The following TECPR2 variants were observed in gnomAD, a reference collection of about 807,000 sequenced individuals.
The protein encoded by TECPR2 is tectonin beta-propeller repeat containing 2, also known as tectonin beta-propeller repeat-containing protein 2.
TECPR2 carries 65 observed loss-of-function variants against 138.1 expected under a neutral mutation model. The observed-to-expected ratio is 0.47, with a 90% CI of 0.39 to 0.58. The LOEUF is 0.58. Among genes scored for constraint, TECPR2 ranks in the 20% least tolerant of loss-of-function variants. The probability of loss-of-function intolerance (pLI) is 0.00; values close to 1 mark genes in which losing one functional copy is unlikely to be tolerated. For synonymous variants in TECPR2, 746 were observed against 749.8 expected (o/e 0.99, Z 0.08); for missense variants, 1,553 against 1,824.5 (o/e 0.85, Z 2.71).
At chr14:102,418,306 C>A (rs1689368201) in intron 5 of TECPR2, among the ~76,000 whole-genome samples, 1 of 152,228 alleles carries the variant, frequency 6.6e-6, no homozygotes, top group Non-Finnish European at 1.5e-5. Context: ...TATCTGTGAA[C>A]AAGGCAGAAC....
rs762479582 is a variant in TECPR2, at chr14:102,428,360, G to C, written c.1062G>C (p.Arg354Ser). ...GGAACATTATAAGAATTTCAAGCAG[G>C]CCTGAAGGATTAACATCAACAGGTT... Reference protein sequence around the residue: ...GDRNIIRISSRPEGLTSTVRD... With the variant: ...GDRNIIRISSSPEGLTSTVRD... The change falls in exon 7 of 20, where the codon AGG (arginine) becomes AGC (serine). Residue 354 changes from arginine to serine, a missense_variant. By Grantham distance (110) the Arg-to-Ser change is moderately radical. Transcript: ENST00000359520. 1 of 1,609,126 alleles carries C rather than the reference G, an allele frequency of 6.2e-7. No individual in the cohort carries two copies. Among genetic ancestry groups the C allele is most frequent in the African/African-American group, 1.3e-5 (1 of 74,508 alleles).
chr14:102,438,243 C>T (rs541926917), intron 10 of TECPR2, 38 bp downstream of exon 10: 23 of 1,389,814 alleles, frequency 1.7e-5, no homozygotes, highest in African/African-American at 8.3e-5. Context: ...TCCCTGCTCC[C>T]GCTCGCCGCT....
rs1891461473 is a variant in TECPR2, at chr14:102,502,294, G to A, written c.*4037G>A. 1 of 152,622 alleles carries A rather than the reference G, an allele frequency of 6.6e-6. No homozygotes were observed. Among genetic ancestry groups the A allele is most frequent in the Non-Finnish European group, 1.5e-5 (1 of 68,028 alleles). 9.5% of individuals were successfully genotyped at this position (152,622 alleles called of 1,614,324 possible). A position where few individuals can be genotyped will look rare whatever the true frequency, so the allele number is the denominator to read the frequency against. ...TGTTGTAAACTTCAAACTTTTGGCA[G>A]GTTTGAAATTTTTCATAACTCCGGG... is the stretch of plus-strand genomic sequence containing the variant. On this transcript the variant is annotated 3_prime_UTR_variant, in exon 20 of 20. Coordinates refer to ENST00000359520, the MANE Select transcript of TECPR2 (RefSeq NM_014844.5).
intron 17 of TECPR2, among the ~76,000 whole-genome samples, chr14:102,482,153 A>C (rs1035880155): frequency 6.6e-6 from 1 of 151,950 alleles, no homozygotes; most frequent in South Asian, 2.1e-4. Context: ...TCCTGGGTCC[A>C]AGTGATTCTT....
In TECPR2 at chr14:102,435,519, G is replaced by A. The variant is rs1233244055; in HGVS notation, c.2394+308G>A. Among the ~76,000 whole-genome samples the A allele has an allele frequency of 2.6e-5, 4 of 152,180 alleles. No individual in the cohort carries two copies. The East Asian group carries it at 7.7e-4, about 29-fold the overall frequency. Reference sequence around the variant, plus strand: ...AGGCACTTACTGTTAGCCATCGTAGGGCAGGGCTGAATTGGCCTGGGGCCA... The same window carrying A: ...AGGCACTTACTGTTAGCCATCGTAGAGCAGGGCTGAATTGGCCTGGGGCCA... On this transcript the variant is annotated intron_variant, in intron 9 of 19. Transcript: ENST00000359520.
rs766996160 is a variant in TECPR2 at position 102,449,916 on chromosome 14, AC to A, written c.3316+48del. ...TCACACTGGCTTTATAGGCAGCCTC[AC>A]TTTAAAGCCAACATTTAAAGAAAAG... On this transcript the variant is annotated intron_variant, in intron 14 of 19. Transcript: ENST00000359520. 5.6e-6 allele frequency: 9 copies of A among 1,595,112 alleles called. No homozygotes were observed. The South Asian group carries it at 7.7e-5, about 14-fold the overall frequency.
chr14:102,367,857 A>G (rs1887385836), intron 1 of TECPR2, among the ~76,000 whole-genome samples: 1 of 152,066 alleles, frequency 6.6e-6, no homozygotes, highest in Non-Finnish European at 1.5e-5. Flanking sequence ...TTCACCAGCA[A>G]TGTATACAGT....
At position 102,417,805 on chromosome 14, in the gene TECPR2, A is replaced by G. The variant is rs1424437822; in HGVS notation, c.638+3012A>G. On this transcript the variant is annotated intron_variant, in intron 5 of 19. Transcript: ENST00000359520. ...TGCGAGGAGGCTGGCACGGGAGTCC[A>G]GGGGAGCCTGGCATGGGAGTCCAGG... Among the ~76,000 whole-genome samples the G allele has an allele frequency of 4.9e-5, 7 of 141,446 alleles. No individual in the cohort carries two copies. The East Asian group carries it at 6.4e-4, about 13-fold the overall frequency. The allele number at this position is 141,446 out of a possible 152,430, so 92.8% of individuals were successfully genotyped here. A position where few individuals can be genotyped will look rare whatever the true frequency, so the allele number is the denominator to read the frequency against.
At chr14:102,460,861 A>T (rs1255741969) in intron 16 of TECPR2, among the ~76,000 whole-genome samples, 1 of 151,230 alleles carries the variant, frequency 6.6e-6, no homozygotes, top group African/African-American at 2.4e-5. Context: ...TGCCCAGCTA[A>T]TTTTTTTGTA....
chr14:102,443,653 G>A lies in TECPR2; in HGVS notation c.2759G>A (p.Ser920Asn). Residue 920 changes from serine to asparagine, a missense_variant, in exon 12 of 20, where the codon AGC becomes AAC. Physicochemically the swap from Ser to Asn is conservative, Grantham distance 46. Coordinates refer to ENST00000359520, the MANE Select transcript of TECPR2 (RefSeq NM_014844.5). The surrounding 1 kb of genome is among the most constrained non-coding windows in gnomAD (Gnocchi z 4.9). ...SGDLYLQTGLSVDRPCARAVK... is the reference protein window; with the variant it reads ...SGDLYLQTGLNVDRPCARAVK... Reference sequence around the variant, plus strand: ...CTTCCCATCTTCCTGGCAGGTCTGAGCGTGGATCGCCCTTGTGCCAGAGCC... The same window carrying A: ...CTTCCCATCTTCCTGGCAGGTCTGAACGTGGATCGCCCTTGTGCCAGAGCC... 6.3e-7 allele frequency: 1 copy of A among 1,587,292 alleles called. No individual in the cohort carries two copies. Among genetic ancestry groups the A allele is most frequent in the Non-Finnish European group, 8.6e-7 (1 of 1,160,666 alleles).
In TECPR2 at chr14:102,415,996, C is replaced by T. The variant is rs569062335; in HGVS notation, c.638+1203C>T. Among the ~76,000 whole-genome samples the T allele has an allele frequency of 1.3e-5, 2 of 152,244 alleles. No individual in the cohort carries two copies. Among genetic ancestry groups the T allele is most frequent in the Non-Finnish European group, 2.9e-5 (2 of 68,048 alleles). ...TAGTCACTGCCCGTTATTCTGTGTTCTGGGCTTTGCGGCAACACACAAGTT... is the reference window on the plus strand; with the variant it reads ...TAGTCACTGCCCGTTATTCTGTGTTTTGGGCTTTGCGGCAACACACAAGTT... On this transcript the variant is annotated intron_variant, in intron 5 of 19. Coordinates refer to ENST00000359520, the MANE Select transcript of TECPR2 (RefSeq NM_014844.5). The surrounding 1 kb of genome is among the most constrained non-coding windows in gnomAD (Gnocchi z 4.3).
intron 5 of TECPR2, among the ~76,000 whole-genome samples, chr14:102,417,164 T>C (rs1028012203): frequency 6.6e-6 from 1 of 152,202 alleles, no homozygotes; most frequent in Admixed American, 6.5e-5. Context: ...CAAATAAATG[T>C]GTCCCCTTCT....
At chr14:102,465,351 G>A (rs1020356970) in intron 17 of TECPR2, 62 bp downstream of exon 17, 16 of 1,589,550 alleles carry the variant, frequency 1.0e-5, no homozygotes, top group Non-Finnish European at 1.3e-5. Flanking sequence ...GAGGATGCTG[G>A]TACTGGGAAA....
At chr14:102,426,994 C>T (rs547653415) in intron 6 of TECPR2, among the ~76,000 whole-genome samples, 33 of 151,472 alleles carry the variant, frequency 2.2e-4, no homozygotes, top group Non-Finnish European at 4.0e-4. Context: ...AAAACTGGCC[C>T]GGGGTGGGGG....
At chr14:102,417,199 C>A (rs771393083) in intron 5 of TECPR2, among the ~76,000 whole-genome samples, 9 of 152,262 alleles carry the variant, frequency 5.9e-5, no homozygotes, top group Non-Finnish European at 1.3e-4. Flanking sequence ...TTTTACTGAG[C>A]CTTGGGGAAA....
rs71119706 is a variant in TECPR2, at chr14:102,480,841, G to GTTTTT, written c.3789+15571_3789+15575dup. The stretch of plus-strand genomic sequence containing the variant: ...GGCCAGTTTTGTTTTTTGGTTTTGG[G>GTTTTT]TTTTTTTTTTTTTTTTTTTTTTTGA... On this transcript the variant is annotated intron_variant, in intron 17 of 19. Transcript: ENST00000359520. Among the ~76,000 whole-genome samples, 383 of 75,190 alleles carry GTTTTT rather than the reference G, an allele frequency of 5.1e-3. 11 individuals carry two copies. The highest frequency in any genetic ancestry group is 7.4e-3 in the African/African-American group (140 of 18,798). The allele number at this position is 75,190 out of a possible 152,430, so 49.3% of individuals were successfully genotyped here. A position where few individuals can be genotyped will look rare whatever the true frequency, so the allele number is the denominator to read the frequency against.
chr14:102,401,207 G>A (rs190448069), intron 2 of TECPR2, among the ~76,000 whole-genome samples: 7 of 152,204 alleles, frequency 4.6e-5, no homozygotes, highest in Non-Finnish European at 1.0e-4. Context: ...GGGAGGCCAA[G>A]GTGGGTGGAT....
rs1891127951 is a variant in TECPR2 at position 102,490,399 on chromosome 14, C to T, written c.3790-6580C>T. On this transcript the variant is annotated intron_variant, in intron 17 of 19. Coordinates refer to ENST00000359520, the MANE Select transcript of TECPR2 (RefSeq NM_014844.5). ...TGACACCCAGGGTGTGCCCAGAGCC[C>T]CAGCAGGCAGGACTGCCAGGCAGGG... 2.0e-5 allele frequency among the ~76,000 whole-genome samples: 3 copies of T among 152,226 alleles called. No individual in the cohort carries two copies. The South Asian group carries it at 6.2e-4, about 31-fold the overall frequency.
At chr14:102,477,240 C>T (rs1890785246) in intron 17 of TECPR2, among the ~76,000 whole-genome samples, 1 of 151,988 alleles carries the variant, frequency 6.6e-6, no homozygotes, top group Admixed American at 6.6e-5. Context: ...TGTGGTGGTG[C>T]ACACCTGTAA....
Sources: gnomAD v4.1 joint callset for allele counts (sites outside exome capture counted in the v4.1 genomes callset) on GRCh38, gnomAD v4.1.1 for gene constraint, Gnocchi (gnomAD v3.1) non-coding constraint, MANE v1.5 for transcripts, NCBI Gene and HGNC (gene_info 2026-07-23, HGNC 2026-07-21) for gene names.